Variants in HMHB1 observed in about 807,000 individuals in gnomAD.
The protein encoded by HMHB1 is histocompatibility minor HB-1.
Under a neutral mutation model 2.4 loss-of-function variants are expected in HMHB1, and 4 were observed. The ratio of observed to expected loss-of-function variants is 1.65; its 90% CI spans 0.81 to 3.77. The LOEUF is 3.77. Ranked by LOEUF, HMHB1 falls within the 30% of genes most tolerant of loss-of-function variation. The pLI, the probability that HMHB1 is intolerant of heterozygous loss-of-function variation, is 0.01. For missense variants in HMHB1, 57 were observed against 44.2 expected, an observed-to-expected ratio of 1.29 and a Z score of -0.82; for synonymous variants, 22 against 17.6, an observed-to-expected ratio of 1.25 and a Z score of -0.63.
chr5:143,820,603 T>A lies in HMHB1; in HGVS notation c.*35T>A. 1 of 1,413,468 alleles carries A rather than the reference T, an allele frequency of 7.1e-7. No homozygotes were observed. 87.6% of individuals were successfully genotyped at this position (1,413,468 alleles called of 1,614,324 possible). Reference sequence around the variant, plus strand: ...TGAGGTTTGACTCGAAGCCCAGAGTTTTGGTGTGGATGAGCAGGGACAAAT... The same window carrying A: ...TGAGGTTTGACTCGAAGCCCAGAGTATTGGTGTGGATGAGCAGGGACAAAT... On this transcript the variant is annotated 3_prime_UTR_variant, in exon 2 of 2. Transcript: ENST00000289448.
At chr5:143,820,179 T>C (rs986180600) in intron 1 of HMHB1, among the ~76,000 whole-genome samples, 7 of 151,884 alleles carry the variant, frequency 4.6e-5, no homozygotes, top group Admixed American at 2.6e-4. Context: ...TTGCATTTCA[T>C]TAATTTTCTT....
intron 1 of HMHB1, among the ~76,000 whole-genome samples, 162 bp from the exon 2 acceptor site, chr5:143,820,318 T>TAAAAAAACAAA (rs1759794217): frequency 2.1e-5 from 1 of 47,564 alleles, no homozygotes; most frequent in African/African-American, 7.0e-5. Flanking sequence ...TCATCATAAG[T>TAAAAAAACAAA]AAAAAAAAAA....
At chr5:143,814,972 T>G (rs1191905449) in intron 1 of HMHB1, among the ~76,000 whole-genome samples, 1 of 152,226 alleles carries the variant, frequency 6.6e-6, no homozygotes, top group Non-Finnish European at 1.5e-5. Context: ...CAAACCTTTC[T>G]GTTGCTCAGC....
intron 1 of HMHB1, among the ~76,000 whole-genome samples, chr5:143,815,213 A>G: frequency 6.6e-6 from 1 of 152,354 alleles, no homozygotes; most frequent in South Asian, 2.1e-4. Flanking sequence ...CCACAAATTT[A>G]GTAGTTTAAA....
intron 1 of HMHB1, among the ~76,000 whole-genome samples, chr5:143,815,676 C>T (rs1193980710): frequency 1.3e-5 from 2 of 150,000 alleles, no homozygotes; most frequent in Non-Finnish European, 3.0e-5. Context: ...TACAGGTGAG[C>T]GCCACCATGC....
intron 1 of HMHB1, among the ~76,000 whole-genome samples, chr5:143,815,455 G>A (rs1330089400): frequency 6.6e-6 from 1 of 151,694 alleles, no homozygotes; most frequent in Non-Finnish European, 1.5e-5. Flanking sequence ...TCAAAGTAAT[G>A]TATCCCTTTA....
At chr5:143,816,269 A>G (rs950977802) in intron 1 of HMHB1, among the ~76,000 whole-genome samples, 1 of 152,152 alleles carries the variant, frequency 6.6e-6, no homozygotes, top group Non-Finnish European at 1.5e-5. Flanking sequence ...TCAGTTCTTT[A>G]GTGGTGATTT....
chr5:143,813,645 AT>A (rs535842476), intron 1 of HMHB1, among the ~76,000 whole-genome samples: 2 of 151,440 alleles, frequency 1.3e-5, no homozygotes, highest in African/African-American at 2.4e-5. Context: ...AGCAGTCCAT[AT>A]TTTTTTTTAT....
chr5:143,812,262 C>A lies in HMHB1; in HGVS notation c.-6C>A. 1 of 1,551,402 alleles carries A rather than the reference C, an allele frequency of 6.4e-7. No homozygotes were observed. Among genetic ancestry groups the A allele is most frequent in the East Asian group, 2.4e-5 (1 of 40,896 alleles). ...CCTCTGCCACACCACAGTGGAGAAA[C>A]CAGAACTGGAGGAGCAGCCAGAATG... is the stretch of plus-strand genomic sequence containing the variant. On this transcript the variant is annotated 5_prime_UTR_variant, in exon 1 of 2. Transcript: ENST00000289448.
At chr5:143,820,192 T>C (rs1759792032) in intron 1 of HMHB1, among the ~76,000 whole-genome samples, 1 of 151,732 alleles carries the variant, frequency 6.6e-6, no homozygotes, top group South Asian at 2.1e-4. Flanking sequence ...ATTTTCTTCT[T>C]AATTAAAACC....
Position 143,812,230 on chromosome 5 carries a change from C to T in HMHB1, c.-38C>T, listed in dbSNP as rs1270208590. 5 of 1,550,558 alleles carry T rather than the reference C, an allele frequency of 3.2e-6. No individual in the cohort carries two copies. Among genetic ancestry groups the T allele is most frequent in the Non-Finnish European group, 1.7e-6 (2 of 1,146,124 alleles). On this transcript the variant is annotated 5_prime_UTR_variant, in exon 1 of 2. Transcript: ENST00000289448. ...CCGGGCAGGCCCTGAGCCTTCTGAC[C>T]TCACATCCTCTGCCACACCACAGTG...
chr5:143,818,044 G>A (rs1759768732), intron 1 of HMHB1, among the ~76,000 whole-genome samples: 1 of 152,122 alleles, frequency 6.6e-6, no homozygotes, highest in African/African-American at 2.4e-5. Context: ...ATACCAGCTG[G>A]ATTTTTATCA....
rs1360830822 is a variant in HMHB1 at position 143,820,680 on chromosome 5, C to A, written c.*112C>A. 3 of 709,032 alleles carry A rather than the reference C, an allele frequency of 4.2e-6. No individual in the cohort carries two copies. The highest frequency in any genetic ancestry group is 2.0e-5 in the Admixed American group (1 of 50,264). The allele number at this position is 709,032 out of a possible 1,614,324, so 43.9% of individuals were successfully genotyped here. ...AAGCAAGTGGAACATATGCCCTTTG[C>A]CTCTGCTCTGCACAGTGAAATGAAA... On this transcript the variant is annotated 3_prime_UTR_variant, in exon 2 of 2. Transcript: ENST00000289448.
At chr5:143,815,390 A>G (rs1456175235) in intron 1 of HMHB1, among the ~76,000 whole-genome samples, 1 of 152,130 alleles carries the variant, frequency 6.6e-6, no homozygotes, top group African/African-American at 2.4e-5. Flanking sequence ...TCCATTGCTC[A>G]TGGTCCCATC....
chr5:143,812,460 G>A (rs148934133), intron 1 of HMHB1, among the ~76,000 whole-genome samples, 156 bp downstream of exon 1: 1 of 152,292 alleles, frequency 6.6e-6, no homozygotes, highest in Non-Finnish European at 1.5e-5. Context: ...GACGGCCCTT[G>A]TTGCTGGGAT....
chr5:143,817,435 T>C (rs1759761712), intron 1 of HMHB1, among the ~76,000 whole-genome samples: 1 of 152,206 alleles, frequency 6.6e-6, no homozygotes, highest in African/African-American at 2.4e-5. Flanking sequence ...GCTAGCCAAT[T>C]ATCCCACCAC....
chr5:143,812,210 C>G lies in HMHB1; in HGVS notation c.-58C>G, dbSNP rs1418965141. On this transcript the variant is annotated 5_prime_UTR_variant, in exon 1 of 2. Coordinates refer to ENST00000289448, the MANE Select transcript of HMHB1 (RefSeq NM_021182.3). ...CTTGCCCCGCATCTCAGAAGCCGGG[C>G]AGGCCCTGAGCCTTCTGACCTCACA... 2 of 1,513,970 alleles carry G rather than the reference C, an allele frequency of 1.3e-6. No individual in the cohort carries two copies. Among genetic ancestry groups the G allele is most frequent in the South Asian group, 1.2e-5 (1 of 81,956 alleles). 93.8% of individuals were successfully genotyped at this position (1,513,970 alleles called of 1,614,324 possible).
At chr5:143,819,330 C>A (rs1759781168) in intron 1 of HMHB1, among the ~76,000 whole-genome samples, 1 of 152,176 alleles carries the variant, frequency 6.6e-6, no homozygotes, top group Non-Finnish European at 1.5e-5. Flanking sequence ...GTAAGATGGG[C>A]AGAGAACCCT....
At position 143,820,446 on chromosome 5, in the gene HMHB1, G is replaced by T. The variant is rs758423970; in HGVS notation, c.38-34G>T. On this transcript the variant is annotated intron_variant, in intron 1 of 1. Transcript: ENST00000289448. ...AGAAAATACTGCTGAGAAGTTGTAA[G>T]CTCAAGTCTCAGCTAAGCCATTCTT... 8 of 1,286,718 alleles carry T rather than the reference G, an allele frequency of 6.2e-6. No homozygotes were observed. The South Asian group carries it at 9.5e-5, about 15-fold the overall frequency. The allele number at this position is 1,286,718 out of a possible 1,614,324, so 79.7% of individuals were successfully genotyped here. A position where few individuals can be genotyped will look rare whatever the true frequency, so the allele number is the denominator to read the frequency against.
Sources: allele counts gnomAD v4.1 joint callset (sites outside exome capture counted in the v4.1 genomes callset), GRCh38; gene constraint gnomAD v4.1.1; transcripts MANE v1.5; gene names NCBI Gene and HGNC (gene_info 2026-07-23, HGNC 2026-07-21).